The following GDAP2 variants were observed in gnomAD, a reference collection of about 807,000 sequenced individuals.
The protein encoded by GDAP2 is ganglioside-induced differentiation-associated protein 2.
Under a neutral mutation model 67.0 loss-of-function variants are expected in GDAP2, and 51 were observed. The observed-to-expected ratio is 0.76, with a 90% CI of 0.61 to 0.96. The LOEUF (loss-of-function observed/expected upper bound fraction) is 0.96, where lower values mean the gene tolerates loss of function less well. Among genes scored for constraint, GDAP2 ranks in the 40% least tolerant of loss-of-function variants. The pLI is 0.00. For missense variants in GDAP2, 547 were observed against 588.3 expected, an observed-to-expected ratio of 0.93 and a Z score of 0.73; for synonymous variants, 203 against 207.3, an observed-to-expected ratio of 0.98 and a Z score of 0.18.
At chr1:117,893,152 A>T (rs1649149814) in intron 8 of GDAP2, among the ~76,000 whole-genome samples, 1 of 152,190 alleles carries the variant, frequency 6.6e-6, no homozygotes, top group South Asian at 2.1e-4. Context: ...TTGTTGAGAA[A>T]AATGACATAA....
At position 117,927,379 on chromosome 1, in the gene GDAP2, T is replaced by C. The variant is rs78499029; in HGVS notation, c.-68+2069A>G. Among the ~76,000 whole-genome samples, 676 of 152,296 alleles carry C rather than the reference T, an allele frequency of 4.4e-3. 4 individuals carry two copies. The highest frequency in any genetic ancestry group is 0.02 in the Admixed American group (302 of 15,296). On this transcript the variant is annotated intron_variant, in intron 1 of 13. Coordinates refer to ENST00000369443, the MANE Select transcript of GDAP2 (RefSeq NM_017686.4). The stretch of plus-strand genomic sequence containing the variant: ...GGATCACCATCTCAAAAAAAACTTT[T>C]TTTCTGGATAGAAAGAAAATGATAT...
At chr1:117,880,636 G>T (rs953099327) in intron 12 of GDAP2, among the ~76,000 whole-genome samples, 24 of 152,182 alleles carry the variant, frequency 1.6e-4, no homozygotes, top group African/African-American at 5.5e-4. Context: ...CTTCTTTAAG[G>T]AAATGGAAAT....
Position 117,912,179 on chromosome 1 carries a change from T to C in GDAP2, c.471-97A>G, listed in dbSNP as rs1023988606. 1.5e-5 allele frequency: 11 copies of C among 747,426 alleles called. No individual in the cohort carries two copies. In the African/African-American group the frequency reaches 1.9e-4, roughly 13 times the overall value. 46.3% of individuals were successfully genotyped at this position (747,426 alleles called of 1,614,324 possible). On this transcript the variant is annotated intron_variant, in intron 4 of 13. Transcript: ENST00000369443. The stretch of plus-strand genomic sequence containing the variant: ...TTTCAAAATCTAGCTCAACTTCTCC[T>C]TTCCTCCCTCTTCAACAAATCTACT...
intron 1 of GDAP2, 24 bp from the exon 2 acceptor site, chr1:117,920,448 C>T: frequency 1.3e-6 from 1 of 781,458 alleles, no homozygotes; most frequent in South Asian, 2.0e-5. Context: ...GAAAGAATCA[C>T]TTTAATAGAG....
intron 3 of GDAP2, among the ~76,000 whole-genome samples, chr1:117,914,628 T>G (rs1649982657): frequency 1.3e-5 from 2 of 152,072 alleles, no homozygotes; most frequent in South Asian, 4.1e-4. Context: ...CAAATCCCTG[T>G]AAAATTTAAG....
At chr1:117,903,273 T>C (rs1288496233) in intron 6 of GDAP2, among the ~76,000 whole-genome samples, 4 of 152,168 alleles carry the variant, frequency 2.6e-5, no homozygotes, top group African/African-American at 7.2e-5. Context: ...TATCTCTTTT[T>C]CTTAGCCAAA....
intron 10 of GDAP2, among the ~76,000 whole-genome samples, chr1:117,886,289 C>T (rs1226609058): frequency 1.3e-5 from 2 of 152,024 alleles, no homozygotes; most frequent in Non-Finnish European, 2.9e-5. Context: ...AATTATAATA[C>T]AGAATGATTC....
At chr1:117,906,861 A>C (rs1450430580) in intron 5 of GDAP2, among the ~76,000 whole-genome samples, 1 of 152,224 alleles carries the variant, frequency 6.6e-6, no homozygotes, top group Non-Finnish European at 1.5e-5. Flanking sequence ...TGAAAGCTCC[A>C]TAAAGAAGAT....
intron 13 of GDAP2, among the ~76,000 whole-genome samples, chr1:117,872,852 A>G (rs1412308617): frequency 6.6e-6 from 1 of 152,146 alleles, no homozygotes; most frequent in African/African-American, 2.4e-5. Flanking sequence ...ACTAAATAAA[A>G]TAATTTTATA....
rs1390927993 is a variant in GDAP2 at position 117,890,116 on chromosome 1, A to G, written c.954-2342T>C. 3.9e-5 allele frequency among the ~76,000 whole-genome samples: 6 copies of G among 152,248 alleles called. No individual in the cohort carries two copies. The East Asian group carries it at 9.6e-4, about 24-fold the overall frequency. On this transcript the variant is annotated intron_variant, in intron 8 of 13. Transcript: ENST00000369443. ...AAATTAACTTTGTAATAAGAACAAG[A>G]CAGGTAACCAGAAGTCTAAATACTC...
chr1:117,893,320 C>T (rs1333141225), intron 8 of GDAP2, among the ~76,000 whole-genome samples: 1 of 152,058 alleles, frequency 6.6e-6, no homozygotes, highest in Non-Finnish European at 1.5e-5. Context: ...CAATGTCTAC[C>T]TTATGATACA....
chr1:117,911,723 G>A (rs1649862372), intron 5 of GDAP2, among the ~76,000 whole-genome samples: 1 of 149,168 alleles, frequency 6.7e-6, no homozygotes, highest in Non-Finnish European at 1.5e-5. Context: ...CTTAATCAAT[G>A]AATATTCTTT....
intron 6 of GDAP2, among the ~76,000 whole-genome samples, chr1:117,902,874 A>G (rs551056407): frequency 3.0e-4 from 45 of 152,346 alleles, no homozygotes; most frequent in African/African-American, 1.1e-3. Flanking sequence ...TCTTAACAAC[A>G]TTAAGTCTTT....
At chr1:117,912,813 A>G in intron 3 of GDAP2, 130 bp from the exon 4 acceptor site, 1 of 739,908 alleles carries the variant, frequency 1.4e-6, no homozygotes, top group East Asian at 2.6e-5. Context: ...GACTGAACAC[A>G]AGCATTTATC....
In GDAP2 at chr1:117,867,527, GAA is replaced by G. The variant is rs745964438; in HGVS notation, c.*3040_*3041del. ...AACATGGTGAAACCCTGTCTCTACT[GAA>G]AAAAAAAAAAAAAAAAAAAAAAATT... is the stretch of plus-strand genomic sequence containing the variant. On this transcript the variant is annotated 3_prime_UTR_variant, in exon 14 of 14. Coordinates refer to ENST00000369443, the MANE Select transcript of GDAP2 (RefSeq NM_017686.4). 15,629 of 79,430 alleles carry G rather than the reference GAA, an allele frequency of 0.2. 1,175 individuals carry two copies. Among genetic ancestry groups the G allele is most frequent in the Middle Eastern group, 0.27 (32 of 120 alleles). The allele number at this position is 79,430 out of a possible 1,614,324, so 4.9% of individuals were successfully genotyped here.
chr1:117,921,784 A>C (rs1054010145), intron 1 of GDAP2, among the ~76,000 whole-genome samples: 1 of 152,222 alleles, frequency 6.6e-6, no homozygotes, highest in Non-Finnish European at 1.5e-5. Context: ...AATGAAACTG[A>C]GATGGGGCAA....
chr1:117,925,525 T>G (rs1191646505), intron 1 of GDAP2, among the ~76,000 whole-genome samples: 1 of 152,206 alleles, frequency 6.6e-6, no homozygotes, highest in African/African-American at 2.4e-5. Context: ...CAACTTTTGA[T>G]GTAGTTACTA....
chr1:117,912,387 G>T (rs1289134634), intron 4 of GDAP2, 143 bp downstream of exon 4: 2 of 635,822 alleles, frequency 3.1e-6, no homozygotes, highest in African/African-American at 1.8e-5. Context: ...TATTGTCAGG[G>T]TCCTCCTAAA....
chr1:117,900,436 G>A (rs1202512982), intron 6 of GDAP2, among the ~76,000 whole-genome samples: 1 of 152,056 alleles, frequency 6.6e-6, no homozygotes, highest in Non-Finnish European at 1.5e-5. Context: ...TAATCTTTCT[G>A]TCACTATGAA....
Sources: gnomAD v4.1 joint callset for allele counts (sites outside exome capture counted in the v4.1 genomes callset) on GRCh38, gnomAD v4.1.1 for gene constraint, MANE v1.5 for transcripts, NCBI Gene and HGNC (gene_info 2026-07-23, HGNC 2026-07-21) for gene names.